The following RBFOX1 variants were observed in gnomAD, a reference collection of about 807,000 sequenced individuals.
RBFOX1 encodes RNA binding fox-1 homolog 1.
Under a neutral mutation model 57.7 loss-of-function variants are expected in RBFOX1, and 8 were observed. The ratio of observed to expected loss-of-function variants is 0.14; its 90% CI spans 0.08 to 0.25. RBFOX1 has a LOEUF of 0.25. RBFOX1 is among the 10% of genes least tolerant of loss of function. The probability of loss-of-function intolerance (pLI) is 1.00; values close to 1 mark genes in which losing one functional copy is unlikely to be tolerated. For synonymous variants in RBFOX1, 326 were observed against 222.4 expected (o/e 1.47, Z -4.15); for missense variants, 611 against 548.5 (o/e 1.11, Z -1.14).
intron 2 of RBFOX1, among the ~76,000 whole-genome samples, chr16:5,594,310 T>C (rs1420818697): frequency 2.0e-5 from 3 of 152,114 alleles, no homozygotes; most frequent in African/African-American, 4.8e-5. Context: ...ACATAAACGC[T>C]CACAAGATTA....
At chr16:6,807,467 G>T (rs769460220) in intron 3 of RBFOX1, among the ~76,000 whole-genome samples, 1 of 152,060 alleles carries the variant, frequency 6.6e-6, no homozygotes, top group African/African-American at 2.4e-5. Flanking sequence ...AGCACACAGG[G>T]CTGGGGTCCT....
intron 4 of RBFOX1, among the ~76,000 whole-genome samples, chr16:7,327,001 C>A (rs184862032): frequency 1.3e-5 from 2 of 152,172 alleles, no homozygotes; most frequent in African/African-American, 4.8e-5. Flanking sequence ...CTTATTTGAG[C>A]CAATCTGCCT....
intron 2 of RBFOX1, among the ~76,000 whole-genome samples, chr16:6,469,317 T>C (rs2095121453): frequency 6.6e-6 from 1 of 152,124 alleles, no homozygotes; most frequent in Non-Finnish European, 1.5e-5. Context: ...ACAACCAAGG[T>C]ATGGGATTCA....
chr16:7,512,338 C>G (rs2075317504), intron 4 of RBFOX1, among the ~76,000 whole-genome samples: 3 of 152,140 alleles, frequency 2.0e-5, no homozygotes, highest in African/African-American at 7.2e-5. Context: ...TTCAGCCAAG[C>G]TAAGAATCCA....
chr16:7,458,809 C>G (rs763471375), intron 4 of RBFOX1, among the ~76,000 whole-genome samples: 7 of 152,166 alleles, frequency 4.6e-5, no homozygotes, highest in East Asian at 3.9e-4. Flanking sequence ...CCCTGTGTTC[C>G]TTTCCTAGCT....
intron 4 of RBFOX1, chr16:5,867,361 T>C: frequency 8.5e-7 from 1 of 1,170,898 alleles, no homozygotes. Flanking sequence ...TTTCTGTCCC[T>C]TTAGAAGATA....
intron 4 of RBFOX1, among the ~76,000 whole-genome samples, chr16:7,241,352 C>T (rs1257039529): frequency 2.0e-5 from 3 of 152,116 alleles, no homozygotes; most frequent in Admixed American, 2.0e-4. Flanking sequence ...GCCCGTTGGA[C>T]TATCTTGGAA....
intron 3 of RBFOX1, among the ~76,000 whole-genome samples, chr16:6,894,480 C>T (rs117261014): frequency 0.012 from 1,881 of 152,274 alleles, 21 homozygotes; most frequent in Non-Finnish European, 0.02. Flanking sequence ...GGTTGGACTC[C>T]TGGGAATCTG....
chr16:7,634,567 G>A (rs1230903458), intron 11 of RBFOX1, among the ~76,000 whole-genome samples: 1 of 152,134 alleles, frequency 6.6e-6, no homozygotes. Flanking sequence ...TTGCATAACA[G>A]TGAGGTTTTC....
chr16:7,052,358 T>C (rs1235058935), intron 4 of RBFOX1, among the ~76,000 whole-genome samples: 1 of 152,260 alleles, frequency 6.6e-6, no homozygotes, highest in Non-Finnish European at 1.5e-5. Flanking sequence ...GGAATTTGTT[T>C]GACATCATTG....
intron 10 of RBFOX1, among the ~76,000 whole-genome samples, chr16:7,620,973 T>C (rs942449342): frequency 3.3e-5 from 5 of 152,100 alleles, no homozygotes; most frequent in African/African-American, 1.2e-4. Context: ...ATGTAATCCC[T>C]AGCAATTTAC....
intron 3 of RBFOX1, among the ~76,000 whole-genome samples, chr16:5,733,804 C>T (rs1337247508): frequency 1.3e-5 from 2 of 151,852 alleles, no homozygotes; most frequent in African/African-American, 4.8e-5. Context: ...TCCTTCTCAC[C>T]TTTCCTTCCC....
At chr16:6,847,717 C>G (rs906368891) in intron 3 of RBFOX1, among the ~76,000 whole-genome samples, 1 of 152,098 alleles carries the variant, frequency 6.6e-6, no homozygotes, top group Non-Finnish European at 1.5e-5. Flanking sequence ...TTAGAGCACC[C>G]ATCAACCTGT....
At chr16:5,852,492 T>C (rs1461298150) in intron 3 of RBFOX1, among the ~76,000 whole-genome samples, 1 of 152,190 alleles carries the variant, frequency 6.6e-6, no homozygotes, top group Admixed American at 6.5e-5. Context: ...TATACCATCG[T>C]CTCAGCCAGC....
At chr16:5,527,014 T>G (rs2044275116) in intron 2 of RBFOX1, among the ~76,000 whole-genome samples, 1 of 152,166 alleles carries the variant, frequency 6.6e-6, no homozygotes, top group Non-Finnish European at 1.5e-5. Flanking sequence ...GAGTGTGAAG[T>G]GTTCAGCATA....
chr16:5,590,804 A>G (rs928438742), intron 2 of RBFOX1, among the ~76,000 whole-genome samples: 2 of 152,184 alleles, frequency 1.3e-5, no homozygotes, highest in South Asian at 4.1e-4. Context: ...CTGAGAGTGC[A>G]TCTACCTCAG....
chr16:6,360,427 T>C (rs891637626), intron 2 of RBFOX1, among the ~76,000 whole-genome samples: 1 of 152,146 alleles, frequency 6.6e-6, no homozygotes, highest in African/African-American at 2.4e-5. Flanking sequence ...CTGAAACAGA[T>C]TGTCCACACT....
intron 3 of RBFOX1, among the ~76,000 whole-genome samples, chr16:6,811,781 G>T (rs997156725): frequency 1.2e-4 from 19 of 152,096 alleles, no homozygotes; most frequent in Middle Eastern, 3.2e-3. Context: ...CCCAACTACT[G>T]GGGAGGCTGA....
intron 9 of RBFOX1, among the ~76,000 whole-genome samples, chr16:7,600,391 T>C (rs1172900033): frequency 1.3e-5 from 2 of 152,210 alleles, no homozygotes; most frequent in African/African-American, 4.8e-5. Flanking sequence ...AAGTTTCAAC[T>C]CAGGAGTATC....
Sources: allele counts gnomAD v4.1 joint callset (sites outside exome capture counted in the v4.1 genomes callset), GRCh38; gene constraint gnomAD v4.1.1; transcripts MANE v1.5; gene names NCBI Gene and HGNC (gene_info 2026-07-23, HGNC 2026-07-21).